The following SCYL1 variants were observed in gnomAD, a reference collection of about 807,000 sequenced individuals.
The protein encoded by SCYL1 is SCY1 like pseudokinase 1, also known as N-terminal kinase-like protein.
In SCYL1, 85 loss-of-function variants were observed where a neutral mutation model predicts 94.8. That is an observed-to-expected ratio of 0.90 (90% CI 0.75 to 1.07). SCYL1 has a LOEUF of 1.07. Among genes scored for constraint, SCYL1 ranks in the 50% least tolerant of loss-of-function variants. The probability of loss-of-function intolerance (pLI) is 0.00; values close to 1 mark genes in which losing one functional copy is unlikely to be tolerated. For synonymous variants in SCYL1, 459 were observed against 435.5 expected (o/e 1.05, Z -0.67); for missense variants, 968 against 1,083.3 (o/e 0.89, Z 1.49).
In SCYL1 at chr11:65,526,442, C is replaced by A. The variant is rs529285773; in HGVS notation, c.602+92C>A. The A allele has an allele frequency of 2.6e-5, 27 of 1,029,044 alleles. No individual in the cohort carries two copies. The East Asian group carries it at 6.0e-4, about 23-fold the overall frequency. The allele number at this position is 1,029,044 out of a possible 1,614,324, so 63.7% of individuals were successfully genotyped here. On this transcript the variant is annotated intron_variant, in intron 4 of 17. Coordinates refer to ENST00000270176, the MANE Select transcript of SCYL1 (RefSeq NM_020680.4). The surrounding 1 kb of genome is among the most constrained non-coding windows in gnomAD (Gnocchi z 4.1). The stretch of plus-strand genomic sequence containing the variant: ...CTAGACTAGTTGGCACTCCCCTGTT[C>A]CCTGCTGCCTGGCTGGGGAGGGAAT...
chr11:65,536,573 T>C lies in SCYL1; in HGVS notation c.1652-13T>C. ...CGTGCCCATACCCACCTCTCTCTCA[T>C]GCCACTGCCCAGAGAAGGATGTCCA... On this transcript the variant is annotated splice_polypyrimidine_tract_variant and intron_variant, in intron 12 of 17. Coordinates refer to ENST00000270176, the MANE Select transcript of SCYL1 (RefSeq NM_020680.4). 6.2e-7 allele frequency: 1 copy of C among 1,613,750 alleles called. No individual in the cohort carries two copies.
chr11:65,530,893 G>A (rs1411918944), intron 7 of SCYL1, 106 bp downstream of exon 7: 2 of 1,272,786 alleles, frequency 1.6e-6, no homozygotes, highest in African/African-American at 1.5e-5. Context: ...AAGCCCATAT[G>A]AGCAGGAGCT....
Position 65,538,320 on chromosome 11 carries a change from C to T in SCYL1, c.2298C>T (p.Asp766=), listed in dbSNP as rs1395234824. 2.6e-6 allele frequency: 4 copies of T among 1,549,422 alleles called. No homozygotes were observed. The highest frequency in any genetic ancestry group is 3.5e-6 in the Non-Finnish European group (4 of 1,146,030). Residue 766 remains aspartate, a synonymous_variant, in exon 17 of 18, where the codon GAC becomes GAT. Coordinates refer to ENST00000270176, the MANE Select transcript of SCYL1 (RefSeq NM_020680.4). The part of the protein sequence containing the change: ...GEDNWEGLET[D]SRQVKAELAR... ...ACAACTGGGAGGGCCTCGAGACTGA[C>T]AGTCGTAAGTGCTTCCCCTGGGTGG...
intron 1 of SCYL1, 42 bp from the exon 2 acceptor site, chr11:65,525,532 A>G (rs1198947927): frequency 6.3e-7 from 1 of 1,596,552 alleles, no homozygotes; most frequent in East Asian, 2.2e-5. Flanking sequence ...CCGGCCACAC[A>G]ACAGCTCTGG....
intron 8 of SCYL1, 92 bp from the exon 9 acceptor site, chr11:65,532,599 TG>T: frequency 9.7e-7 from 1 of 1,029,424 alleles, no homozygotes; most frequent in Non-Finnish European, 1.5e-6. Context: ...CAGTGCCTGC[TG>T]GGTGGAAAAG....
Position 65,525,169 on chromosome 11 carries a change from C to T in SCYL1, c.16C>T (p.Arg6Trp), listed in dbSNP as rs778487235. The T allele has an allele frequency of 2.2e-6, 3 of 1,389,126 alleles. No homozygotes were observed. Among genetic ancestry groups the T allele is most frequent in the Admixed American group, 6.7e-5 (2 of 29,696 alleles). The allele number at this position is 1,389,126 out of a possible 1,614,324, so 86.1% of individuals were successfully genotyped here. ...GGTGGGGACGATGTGGTTCTTTGCC[C>T]GGGACCCGGTCCGGGACTTTCCGTT... is the stretch of plus-strand genomic sequence containing the variant. MWFFA[R>W]DPVRDFPFEL... Residue 6 changes from arginine to tryptophan, a missense_variant, in exon 1 of 18, where the codon CGG (arginine) becomes TGG (tryptophan). Arg to Trp is a moderately radical substitution (Grantham distance 101, BLOSUM62 -3). Around this residue, in one of 2 missense-constraint regions of SCYL1, gnomAD observed 494 missense variants for 619.7 expected, o/e 0.80. Coordinates refer to ENST00000270176, the MANE Select transcript of SCYL1 (RefSeq NM_020680.4).
chr11:65,536,591 G>A lies in SCYL1; in HGVS notation c.1657G>A (p.Asp553Asn), dbSNP rs1473999703. 14 of 1,614,076 alleles carry A rather than the reference G, an allele frequency of 8.7e-6. No individual in the cohort carries two copies. In the East Asian group the frequency reaches 2.2e-4, roughly 26 times the overall value. The part of the protein sequence containing the change: ...DPTQLEEVEK[D>N]VHAASSPGMG... Reference sequence around the variant, plus strand: ...TCTCTCATGCCACTGCCCAGAGAAGGATGTCCATGCAGCCTCCAGCCCTGG... The same window carrying A: ...TCTCTCATGCCACTGCCCAGAGAAGAATGTCCATGCAGCCTCCAGCCCTGG... The change falls in exon 13 of 18, where the codon GAT (aspartate) becomes AAT (asparagine). Residue 553 changes from aspartate to asparagine, a missense_variant. Physicochemically the swap from Asp to Asn is conservative, Grantham distance 23. Coordinates refer to ENST00000270176, the MANE Select transcript of SCYL1 (RefSeq NM_020680.4).
chr11:65,536,493 G>T, intron 12 of SCYL1, 93 bp from the exon 13 acceptor site: 1 of 1,472,098 alleles, frequency 6.8e-7, no homozygotes, highest in East Asian at 2.4e-5. Context: ...GAGAAAGGAG[G>T]GGTGGCTGCA....
At chr11:65,527,163 C>A (rs1855129596) in intron 6 of SCYL1, 46 bp downstream of exon 6, 3 of 1,594,050 alleles carry the variant, frequency 1.9e-6, no homozygotes, top group Non-Finnish European at 2.6e-6. Context: ...CTTTTTCATT[C>A]TGCCCCTACC....
chr11:65,528,494 C>G (rs983356529), intron 6 of SCYL1, among the ~76,000 whole-genome samples: 11 of 151,428 alleles, frequency 7.3e-5, no homozygotes, highest in Non-Finnish European at 1.5e-4. Context: ...TGCGGTGGCT[C>G]CCGCCTGTAA....
At chr11:65,535,916 C>G (rs1472438036) in intron 10 of SCYL1, 37 bp from the exon 11 acceptor site, 23 of 1,532,380 alleles carry the variant, frequency 1.5e-5, no homozygotes, top group Non-Finnish European at 1.9e-5. Flanking sequence ...CAACATTGAC[C>G]CTACACTCAG....
chr11:65,538,009 G>A lies in SCYL1; in HGVS notation c.2074G>A (p.Asp692Asn), dbSNP rs775998594. 7.4e-6 allele frequency: 12 copies of A among 1,612,844 alleles called. No individual in the cohort carries two copies. Among genetic ancestry groups the A allele is most frequent in the Middle Eastern group, 3.3e-4 (2 of 6,060 alleles). The change falls in exon 16 of 18, where the codon GAC becomes AAC. Residue 692 changes from aspartate (D) to asparagine (N), a missense_variant. Coordinates refer to ENST00000270176, the MANE Select transcript of SCYL1 (RefSeq NM_020680.4). ...CAAATCCTCCAAATCCCCAGAGTCC[G>A]ACTGGAGCAGCTGGGAAGCTGAGGG... Reference protein sequence around the residue: ...DHKSSKSPESDWSSWEAEGSW... With the variant: ...DHKSSKSPESNWSSWEAEGSW...
At chr11:65,535,129 A>T in intron 9 of SCYL1, 98 bp from the exon 10 acceptor site, 1 of 1,493,850 alleles carries the variant, frequency 6.7e-7, no homozygotes, top group Non-Finnish European at 9.1e-7. Context: ...GCAGGCTTTG[A>T]TGGGTGTGCT....
chr11:65,526,050 T>TG lies in SCYL1; in HGVS notation c.375+13dup. 1 of 1,611,298 alleles carries TG rather than the reference T, an allele frequency of 6.2e-7. No homozygotes were observed. ...GGGGCTACACCAGATCGTGGTGAGG[T>TG]GGGGGGCAGTGGTGATGAGAGCAGG... is the stretch of plus-strand genomic sequence containing the variant. On this transcript the variant is annotated splice_region_variant and intron_variant, in intron 3 of 17. Transcript: ENST00000270176. This position sits in a 1 kb window ranked among gnomAD's most constrained non-coding sequence, Gnocchi z 4.1.
At position 65,537,881 on chromosome 11, in the gene SCYL1, G is replaced by C. The variant is rs765686702; in HGVS notation, c.2031+1G>C. 40 of 1,578,736 alleles carry C rather than the reference G, an allele frequency of 2.5e-5. No individual in the cohort carries two copies. In the South Asian group the frequency reaches 4.6e-4, roughly 18 times the overall value. On this transcript the variant is annotated splice_donor_variant, in intron 15 of 17. Transcript: ENST00000270176. LOFTEE classifies it high-confidence loss of function. ...GGGCCAAGTGAGCCGTGCTAGTCAG[G>C]TGAGCTGGGTCTGGTGGGGAGGTGT... is the stretch of plus-strand genomic sequence containing the variant.
At position 65,530,738 on chromosome 11, in the gene SCYL1, C is replaced by A; in HGVS notation, c.959C>A (p.Ala320Asp). The change falls in exon 7 of 18, where the codon GCC becomes GAC. Residue 320 changes from alanine (A) to aspartate (D), a missense_variant. Coordinates refer to ENST00000270176, the MANE Select transcript of SCYL1 (RefSeq NM_020680.4). The stretch of plus-strand genomic sequence containing the variant: ...AAGGTGCTGCCCCAGCTGCTGACCG[C>A]CTTCGAGTTCGGCAATGCTGGGGCC... ...RHKVLPQLLT[A>D]FEFGNAGAVV... 1 of 1,614,034 alleles carries A rather than the reference C, an allele frequency of 6.2e-7. No homozygotes were observed. The highest frequency in any genetic ancestry group is 8.5e-7 in the Non-Finnish European group (1 of 1,180,016).
intron 16 of SCYL1, 31 bp from the exon 17 acceptor site, chr11:65,538,239 G>A (rs372453111): frequency 6.4e-7 from 1 of 1,554,704 alleles, no homozygotes. Flanking sequence ...CCAGAAGTGG[G>A]CCCCACTGCA....
At position 65,535,945 on chromosome 11, in the gene SCYL1, C is replaced by T; in HGVS notation, c.1387-8C>T. ...CACTCAGGAGCCCTCTTTCCTGCCC[C>T]ATCGTAGACCAGACACAGGGTCCTT... On this transcript the variant is annotated splice_polypyrimidine_tract_variant and splice_region_variant and intron_variant, in intron 10 of 17. Transcript: ENST00000270176. The T allele has an allele frequency of 7.0e-6, 11 of 1,565,496 alleles. No homozygotes were observed. Among genetic ancestry groups the T allele is most frequent in the Non-Finnish European group, 9.5e-6 (11 of 1,155,032 alleles).
chr11:65,537,985 A>C lies in SCYL1; in HGVS notation c.2050A>C (p.Lys684Gln). 1 of 1,612,022 alleles carries C rather than the reference A, an allele frequency of 6.2e-7. No individual in the cohort carries two copies. The highest frequency in any genetic ancestry group is 1.1e-5 in the South Asian group (1 of 90,772). ...TCTACAGGTCAGCAACTCCGACCAC[A>C]AATCCTCCAAATCCCCAGAGTCCGA... Reference protein sequence around the residue: ...RASQVSNSDHKSSKSPESDWS... With the variant: ...RASQVSNSDHQSSKSPESDWS... The change falls in exon 16 of 18, where the codon AAA becomes CAA. Residue 684 changes from lysine (K) to glutamine (Q), a missense_variant. By Grantham distance (53) the Lys-to-Gln change is moderately conservative. Around this residue, in one of 2 missense-constraint regions of SCYL1, gnomAD observed 474 missense variants for 463.6 expected, o/e 1.02. Transcript: ENST00000270176.
Sources: allele counts gnomAD v4.1 joint callset (sites outside exome capture counted in the v4.1 genomes callset), GRCh38; gene constraint gnomAD v4.1.1; regional missense constraint gnomAD v4.1.1; non-coding constraint Gnocchi (gnomAD v3.1); transcripts MANE v1.5; gene names NCBI Gene and HGNC (gene_info 2026-07-23, HGNC 2026-07-21).